Variants in PDGFC observed in about 807,000 individuals in gnomAD.
PDGFC encodes the protein platelet derived growth factor C.
PDGFC carries 12 observed loss-of-function variants against 35.5 expected under a neutral mutation model. The ratio of observed to expected loss-of-function variants is 0.34; its 90% CI spans 0.22 to 0.55. The LOEUF (loss-of-function observed/expected upper bound fraction) is 0.55. PDGFC is among the 20% of genes least tolerant of loss of function. The probability of loss-of-function intolerance (pLI) is 0.91; values close to 1 mark genes in which losing one functional copy is unlikely to be tolerated. For synonymous variants in PDGFC, 159 were observed against 148.8 expected (o/e 1.07, Z -0.50); for missense variants, 322 against 412.4 (o/e 0.78, Z 1.90).
At chr4:156,931,430 C>T (rs1405357794) in intron 1 of PDGFC, among the ~76,000 whole-genome samples, 2 of 152,136 alleles carry the variant, frequency 1.3e-5, no homozygotes, top group South Asian at 2.1e-4. Flanking sequence ...TTCACGTCTT[C>T]GGTTATTGCA....
intron 1 of PDGFC, among the ~76,000 whole-genome samples, chr4:156,863,423 A>C (rs1231030087): frequency 6.6e-6 from 1 of 152,182 alleles, no homozygotes. Flanking sequence ...TCTTTATTCA[A>C]CTCAGCCCAC....
intron 2 of PDGFC, among the ~76,000 whole-genome samples, chr4:156,827,132 G>C (rs955375049): frequency 2.0e-5 from 3 of 152,080 alleles, no homozygotes; most frequent in Non-Finnish European, 4.4e-5. Flanking sequence ...AGTAAGAACA[G>C]ATTGGCTGGG....
chr4:156,800,183 A>G (rs956523587), intron 3 of PDGFC, among the ~76,000 whole-genome samples: 1 of 152,122 alleles, frequency 6.6e-6, no homozygotes, highest in African/African-American at 2.4e-5. Flanking sequence ...TATTTTTTAA[A>G]ACCACCATAA....
At chr4:156,953,404 C>T (rs539614725) in intron 1 of PDGFC, among the ~76,000 whole-genome samples, 2 of 152,006 alleles carry the variant, frequency 1.3e-5, no homozygotes, top group African/African-American at 4.8e-5. Flanking sequence ...GTCTGAGATT[C>T]TAAAAAGGTT....
intron 2 of PDGFC, among the ~76,000 whole-genome samples, chr4:156,848,251 T>A (rs960149638): frequency 2.6e-5 from 4 of 151,944 alleles, no homozygotes; most frequent in Non-Finnish European, 4.4e-5. Context: ...TATTACAATT[T>A]TTTAAAAGAC....
chr4:156,941,262 A>T (rs992371262), intron 1 of PDGFC, among the ~76,000 whole-genome samples: 6 of 152,198 alleles, frequency 3.9e-5, no homozygotes, highest in Non-Finnish European at 8.8e-5. Flanking sequence ...TCAATAACGT[A>T]TACAGTTTAA....
Position 156,772,546 on chromosome 4 carries a change from A to G in PDGFC, c.703+140T>C, listed in dbSNP as rs1730718750. ...ATATATTATTATTCAATATATAAAT[A>G]TGCTCAAATGATAAGAAAATGTATT... is the stretch of plus-strand genomic sequence containing the variant. On this transcript the variant is annotated intron_variant, in intron 4 of 5. Transcript: ENST00000502773. The G allele has an allele frequency of 1.7e-5, 10 of 582,582 alleles. No individual in the cohort carries two copies. The South Asian group carries it at 2.3e-4, about 14-fold the overall frequency. The allele number at this position is 582,582 out of a possible 1,614,324, so 36.1% of individuals were successfully genotyped here. A position where few individuals can be genotyped will look rare whatever the true frequency, so the allele number is the denominator to read the frequency against.
At chr4:156,899,985 T>C (rs948515801) in intron 1 of PDGFC, among the ~76,000 whole-genome samples, 10 of 152,202 alleles carry the variant, frequency 6.6e-5, no homozygotes, top group Non-Finnish European at 4.4e-5. Flanking sequence ...ATCTGACTTA[T>C]CATAATTCAT....
At chr4:156,928,841 T>C (rs1731480619) in intron 1 of PDGFC, among the ~76,000 whole-genome samples, 1 of 152,238 alleles carries the variant, frequency 6.6e-6, no homozygotes, top group African/African-American at 2.4e-5. Flanking sequence ...TTGGTTATCC[T>C]AAGAATAAAG....
chr4:156,892,168 C>T (rs1480906727), intron 1 of PDGFC, among the ~76,000 whole-genome samples: 1 of 152,114 alleles, frequency 6.6e-6, no homozygotes, highest in African/African-American at 2.4e-5. Context: ...GAAAATAACA[C>T]CTACCTCATA....
intron 1 of PDGFC, among the ~76,000 whole-genome samples, chr4:156,856,679 T>A (rs774171216): frequency 7.2e-5 from 11 of 152,098 alleles, no homozygotes; most frequent in Non-Finnish European, 1.5e-4. Context: ...TAAAGAAACT[T>A]GAGATTATAC....
intron 2 of PDGFC, among the ~76,000 whole-genome samples, chr4:156,818,966 T>A (rs1453640944): frequency 1.3e-5 from 2 of 152,174 alleles, no homozygotes; most frequent in East Asian, 1.9e-4. Context: ...AATGAAAAAG[T>A]TTGAAATAAT....
intron 2 of PDGFC, among the ~76,000 whole-genome samples, chr4:156,822,283 C>T (rs535926880): frequency 1.7e-4 from 24 of 142,876 alleles, no homozygotes; most frequent in South Asian, 7.0e-4. Context: ...GGCGTGAACC[C>T]GGGAGGCGGA....
At chr4:156,912,104 C>A (rs552288767) in intron 1 of PDGFC, among the ~76,000 whole-genome samples, 35 of 152,136 alleles carry the variant, frequency 2.3e-4, no homozygotes, top group Middle Eastern at 3.4e-3. Context: ...AGAACTTACA[C>A]GATGATTTTT....
At position 156,926,692 on chromosome 4, in the gene PDGFC, G is replaced by A. The variant is rs1441971257; in HGVS notation, c.118+44094C>T. Among the ~76,000 whole-genome samples, 7 of 152,310 alleles carry A rather than the reference G, an allele frequency of 4.6e-5. No homozygotes were observed. The East Asian group carries it at 5.8e-4, about 13-fold the overall frequency. ...AAGAGGTAGGTTTCCCTGGTCTTGC[G>A]CAGCTCCGCCTCTGTGTTTTACAGG... On this transcript the variant is annotated intron_variant, in intron 1 of 5. Coordinates refer to ENST00000502773, the MANE Select transcript of PDGFC (RefSeq NM_016205.3).
intron 2 of PDGFC, among the ~76,000 whole-genome samples, chr4:156,824,327 T>TATATACACATATACACATAC (rs1491500876): frequency 1.6e-3 from 165 of 102,620 alleles, no homozygotes; most frequent in South Asian, 4.6e-3. Context: ...TATATATATA[T>TATATACACATATACACATAC]ACACACACAC....
rs909959131 is a variant in PDGFC, at chr4:156,970,395, C to A, written c.118+391G>T. On this transcript the variant is annotated intron_variant, in intron 1 of 5. Coordinates refer to ENST00000502773, the MANE Select transcript of PDGFC (RefSeq NM_016205.3). ...TGCGGCTGATATATTTCCTGACCGA[C>A]CCCCCTCGCCCTCCCCAAATCTGAG... Among the ~76,000 whole-genome samples, 3 of 152,152 alleles carry A rather than the reference C, an allele frequency of 2.0e-5. No individual in the cohort carries two copies. The East Asian group carries it at 5.8e-4, about 29-fold the overall frequency.
At chr4:156,793,993 G>A (rs771242365) in intron 3 of PDGFC, among the ~76,000 whole-genome samples, 2 of 152,148 alleles carry the variant, frequency 1.3e-5, no homozygotes, top group Admixed American at 1.3e-4. Flanking sequence ...TACCTTAGTA[G>A]CATCCAAGGT....
chr4:156,911,651 A>C (rs2110806836), intron 1 of PDGFC, among the ~76,000 whole-genome samples: 2 of 152,280 alleles, frequency 1.3e-5, no homozygotes, highest in African/African-American at 4.8e-5. Context: ...ATTCTGAGGA[A>C]TAGAGAAGTT....
Sources: gnomAD v4.1 joint callset for allele counts (sites outside exome capture counted in the v4.1 genomes callset) on GRCh38, gnomAD v4.1.1 for gene constraint, MANE v1.5 for transcripts, NCBI Gene and HGNC (gene_info 2026-07-23, HGNC 2026-07-21) for gene names.